Variants in LRRC7 observed in about 807,000 individuals in gnomAD.
LRRC7 encodes the protein leucine rich repeat containing 7, also known as leucine-rich repeat-containing protein 7.
LRRC7 carries 23 observed loss-of-function variants against 175.7 expected under a neutral mutation model. That is an observed-to-expected ratio of 0.13 (90% CI 0.09 to 0.19). The LOEUF is 0.19. LRRC7 is among the 10% of genes least tolerant of loss of function. LRRC7 has a pLI of 1.00. For synonymous variants in LRRC7, 685 were observed against 680.9 expected, an observed-to-expected ratio of 1.01 and a Z score of -0.09; for missense variants, 1,354 against 1,904.7, an observed-to-expected ratio of 0.71 and a Z score of 5.38.
intron 2 of LRRC7, 104 bp downstream of exon 2, chr1:69,678,582 A>G (rs1415039129): frequency 1.3e-6 from 1 of 759,758 alleles, no homozygotes. Context: ...GCAATAGAAT[A>G]TTTGTTGAGT....
intron 1 of LRRC7, among the ~76,000 whole-genome samples, chr1:69,645,643 A>G (rs1265401394): frequency 6.6e-6 from 1 of 152,090 alleles, no homozygotes; most frequent in African/African-American, 2.4e-5. Flanking sequence ...AACAGAGCAC[A>G]TGACTTTAGC....
At chr1:70,109,446 C>T (rs917141088) in intron 26 of LRRC7, among the ~76,000 whole-genome samples, 2 of 152,192 alleles carry the variant, frequency 1.3e-5, no homozygotes, top group African/African-American at 4.8e-5. Flanking sequence ...AGAAACACCA[C>T]CCAGCAGGCC....
intron 1 of LRRC7, among the ~76,000 whole-genome samples, chr1:69,590,441 C>G (rs1320032185): frequency 3.3e-5 from 5 of 152,094 alleles, no homozygotes; most frequent in Non-Finnish European, 5.9e-5. Context: ...AATTAGTTGG[C>G]AACCAGGATC....
Position 69,762,532 on chromosome 1 carries a change from G to A in LRRC7, c.303+2139G>A, listed in dbSNP as rs187093860. ...AATTTAAGATGCATCAAGAGTTGAA[G>A]GGAGCAGAGTTGTGAAGAGTCTGGA... On this transcript the variant is annotated intron_variant, in intron 3 of 26. Coordinates refer to ENST00000651989, the MANE Select transcript of LRRC7 (RefSeq NM_001370785.2). Among the ~76,000 whole-genome samples, 5 of 152,052 alleles carry A rather than the reference G, an allele frequency of 3.3e-5. No homozygotes were observed. The East Asian group carries it at 9.7e-4, about 30-fold the overall frequency.
intron 7 of LRRC7, among the ~76,000 whole-genome samples, chr1:69,911,961 A>C (rs1646545287): frequency 6.6e-6 from 1 of 152,180 alleles, no homozygotes; most frequent in Middle Eastern, 3.2e-3. Context: ...ACAAGTAAGA[A>C]AACAACACAG....
At chr1:69,707,893 T>G (rs1664245800) in intron 2 of LRRC7, among the ~76,000 whole-genome samples, 1 of 152,182 alleles carries the variant, frequency 6.6e-6, no homozygotes, top group South Asian at 2.1e-4. Context: ...GACTCCTCTG[T>G]ATCCTTCACT....
At chr1:70,099,160 G>A (rs1280489645) in intron 25 of LRRC7, among the ~76,000 whole-genome samples, 1 of 140,810 alleles carries the variant, frequency 7.1e-6, no homozygotes, top group Non-Finnish European at 1.5e-5. Flanking sequence ...TGCAAGGCTG[G>A]TTCAATATAT....
intron 1 of LRRC7, among the ~76,000 whole-genome samples, chr1:69,648,132 G>T (rs1264411): frequency 0.22 from 33,501 of 151,938 alleles, 4,183 homozygotes; most frequent in South Asian, 0.29. Context: ...GTAAATAGAC[G>T]TGGACCCTGT....
chr1:69,931,435 G>T, intron 7 of LRRC7, 72 bp from the exon 8 acceptor site: 2 of 1,182,354 alleles, frequency 1.7e-6, no homozygotes, highest in Non-Finnish European at 2.5e-6. Context: ...TGACAGGAAG[G>T]TGGTTGGAAT....
At chr1:69,732,829 T>A (rs1242919831) in intron 2 of LRRC7, among the ~76,000 whole-genome samples, 1 of 152,044 alleles carries the variant, frequency 6.6e-6, no homozygotes, top group Non-Finnish European at 1.5e-5. Context: ...GATACTTCAA[T>A]AGAGTAAACC....
intron 7 of LRRC7, among the ~76,000 whole-genome samples, chr1:69,928,536 T>C (rs1460686338): frequency 6.6e-6 from 1 of 152,224 alleles, no homozygotes; most frequent in East Asian, 1.9e-4. Context: ...CCAGCGTTGC[T>C]GCCGCCTTGC....
chr1:69,977,773 A>C (rs1652975810), intron 8 of LRRC7, among the ~76,000 whole-genome samples: 1 of 152,190 alleles, frequency 6.6e-6, no homozygotes, highest in African/African-American at 2.4e-5. Context: ...ATGGTATCAC[A>C]AGATAATGGG....
At chr1:70,045,000 T>C (rs747790228) in intron 22 of LRRC7, among the ~76,000 whole-genome samples, 17 of 152,092 alleles carry the variant, frequency 1.1e-4, no homozygotes, top group Admixed American at 4.6e-4. Context: ...GAATGAACAT[T>C]ATGACTCACC....
At chr1:69,841,475 G>T (rs1433963316) in intron 7 of LRRC7, among the ~76,000 whole-genome samples, 2 of 151,992 alleles carry the variant, frequency 1.3e-5, no homozygotes, top group Admixed American at 6.6e-5. Flanking sequence ...CATTGTAGAG[G>T]TTCCTACCAC....
chr1:69,747,083 C>T (rs1669335053), intron 2 of LRRC7, among the ~76,000 whole-genome samples: 1 of 152,150 alleles, frequency 6.6e-6, no homozygotes, highest in Non-Finnish European at 1.5e-5. Context: ...CACATTGGAG[C>T]ATACTCCAGT....
chr1:69,863,181 A>G (rs1419274643), intron 7 of LRRC7, among the ~76,000 whole-genome samples: 1 of 151,628 alleles, frequency 6.6e-6, no homozygotes, highest in Admixed American at 6.6e-5. Context: ...TCTGTCTGGA[A>G]CTCTCTGCCC....
rs894505633 is a variant in LRRC7, at chr1:69,753,288, GTGTGTGTA to G, written c.101-6895_101-6888del. ...TCCTTTACATAAATCATTGTCGTGT[GTGTGTGTA>G]TGTGTGTGTGTGTGTGTGTGTGTGT... On this transcript the variant is annotated intron_variant, in intron 2 of 26. Transcript: ENST00000651989. Among the ~76,000 whole-genome samples the G allele has an allele frequency of 3.7e-4, 45 of 121,810 alleles. No individual in the cohort carries two copies. The East Asian group carries it at 4.0e-3, about 11-fold the overall frequency. The allele number at this position is 121,810 out of a possible 152,430, so 79.9% of individuals were successfully genotyped here. A position where few individuals can be genotyped will look rare whatever the true frequency, so the allele number is the denominator to read the frequency against.
At chr1:69,584,554 C>A (rs1646330609) in intron 1 of LRRC7, among the ~76,000 whole-genome samples, 1 of 151,988 alleles carries the variant, frequency 6.6e-6, no homozygotes, top group Non-Finnish European at 1.5e-5. Context: ...ACATAATACC[C>A]ATCTCACATA....
intron 1 of LRRC7, among the ~76,000 whole-genome samples, chr1:69,634,467 C>T (rs1653003481): frequency 6.6e-6 from 1 of 152,158 alleles, no homozygotes. Context: ...CCCAGCTCTT[C>T]TGTGACAGTT....
Sources: gnomAD v4.1 joint callset for allele counts (sites outside exome capture counted in the v4.1 genomes callset) on GRCh38, gnomAD v4.1.1 for gene constraint, MANE v1.5 for transcripts, NCBI Gene and HGNC (gene_info 2026-07-23, HGNC 2026-07-21) for gene names.